The following WWC1 variants were observed in gnomAD, a reference collection of about 807,000 sequenced individuals.
The protein encoded by WWC1 is protein KIBRA.
In WWC1, 55 loss-of-function variants were observed where a neutral mutation model predicts 138.4. That is an observed-to-expected ratio of 0.40 (90% CI 0.32 to 0.50). The LOEUF (loss-of-function observed/expected upper bound fraction) is 0.50, where lower values mean the gene tolerates loss of function less well. Ranked by LOEUF, WWC1 falls within the 20% of genes least tolerant of loss-of-function variation. The pLI is 0.72. For missense variants in WWC1, 1,226 were observed against 1,420.4 expected (o/e 0.86, Z 2.20); for synonymous variants, 524 against 564.9 (o/e 0.93, Z 1.03).
intron 12 of WWC1, among the ~76,000 whole-genome samples, 163 bp downstream of exon 12, chr5:168,428,304 G>A (rs538210318): frequency 2.0e-4 from 30 of 152,340 alleles, no homozygotes; most frequent in Non-Finnish European, 3.8e-4. Flanking sequence ...CCAAGGCACA[G>A]ACAGCATAAC....
intron 1 of WWC1, among the ~76,000 whole-genome samples, chr5:168,355,760 GGA>G (rs1282655371): frequency 6.6e-6 from 1 of 152,118 alleles, no homozygotes; most frequent in Non-Finnish European, 1.5e-5. Context: ...TGACAAGACT[GGA>G]TTAATGTGTT....
chr5:168,336,316 A>G (rs768743739), intron 1 of WWC1, among the ~76,000 whole-genome samples: 13 of 152,172 alleles, frequency 8.5e-5, no homozygotes, highest in Non-Finnish European at 1.9e-4. Flanking sequence ...CACGCCTGTA[A>G]TCCCAGCACC....
rs180685286 is a variant in WWC1, at chr5:168,345,291, G to A, written c.120-26133G>A. On this transcript the variant is annotated intron_variant, in intron 1 of 22. Transcript: ENST00000265293. ...GGCTAATTTTTGTATTTTTAATAGA[G>A]ACAGGGTTTTGCCATATTGGCCAGG... Among the ~76,000 whole-genome samples the A allele has an allele frequency of 1.0e-3, 155 of 152,268 alleles. 1 individual carries two copies. Among genetic ancestry groups the A allele is most frequent in the Non-Finnish European group, 1.6e-3 (110 of 68,028 alleles).
chr5:168,457,032 A>G (rs1236555655), intron 19 of WWC1, among the ~76,000 whole-genome samples: 1 of 151,870 alleles, frequency 6.6e-6, no homozygotes, highest in African/African-American at 2.4e-5. Flanking sequence ...ACCAAGCACT[A>G]TGCTTCCACT....
chr5:168,374,408 T>C (rs539066557), intron 2 of WWC1, among the ~76,000 whole-genome samples: 45 of 151,464 alleles, frequency 3.0e-4, no homozygotes, highest in Non-Finnish European at 5.2e-4. Context: ...GAAGAAGATC[T>C]TGTTGAGACA....
rs756812121 is a variant in WWC1, at chr5:168,430,198, C to G, written c.2062C>G (p.Leu688Val). The G allele has an allele frequency of 9.9e-6, 16 of 1,613,830 alleles. No individual in the cohort carries two copies. In the Admixed American group the frequency reaches 1.2e-4, roughly 12 times the overall value. ...LIIQLSNLSA[L>V]LQQQDQKVNI... ...CATCCAGCTGAGTAACCTTTCTGCT[C>G]TGTTGCAGCAACAAGACCAGAAAGT... Residue 688 changes from leucine (L) to valine (V), a missense_variant, in exon 14 of 23, where the codon CTG becomes GTG. Transcript: ENST00000265293.
At chr5:168,431,059 A>G (rs1329811348) in intron 14 of WWC1, among the ~76,000 whole-genome samples, 193 bp from the exon 15 acceptor site, 1 of 152,232 alleles carries the variant, frequency 6.6e-6, no homozygotes, top group African/African-American at 2.4e-5. Context: ...ACCAAAGGAC[A>G]AATGCATCTG....
intron 18 of WWC1, among the ~76,000 whole-genome samples, chr5:168,454,496 C>G (rs954273): frequency 0.32 from 49,263 of 151,838 alleles, 9,769 homozygotes; most frequent in African/African-American, 0.54. Flanking sequence ...AAATATATTT[C>G]TTTATGTGGG....
At chr5:168,383,190 A>G (rs1201464166) in intron 2 of WWC1, among the ~76,000 whole-genome samples, 4 of 151,944 alleles carry the variant, frequency 2.6e-5, no homozygotes, top group Non-Finnish European at 4.4e-5. Context: ...AACAAAAAAA[A>G]AAAAAGAAAA....
intron 1 of WWC1, among the ~76,000 whole-genome samples, chr5:168,296,590 C>T (rs1232466107): frequency 1.3e-5 from 2 of 152,192 alleles, no homozygotes; most frequent in African/African-American, 2.4e-5. Flanking sequence ...CATGGAAAGG[C>T]CTCCTGTTTA....
At chr5:168,463,850 G>A (rs1757021484) in intron 20 of WWC1, among the ~76,000 whole-genome samples, 1 of 152,136 alleles carries the variant, frequency 6.6e-6, no homozygotes, top group Non-Finnish European at 1.5e-5. Context: ...TGCTCCCTCT[G>A]TACAGCTTAA....
intron 3 of WWC1, among the ~76,000 whole-genome samples, chr5:168,394,644 TA>T (rs1228714963): frequency 2.0e-5 from 3 of 152,146 alleles, no homozygotes; most frequent in African/African-American, 7.2e-5. Context: ...GAGAATCGCT[TA>T]AACCCTGGAG....
chr5:168,349,813 G>A (rs1020745387), intron 1 of WWC1, among the ~76,000 whole-genome samples: 1 of 152,148 alleles, frequency 6.6e-6, no homozygotes, highest in African/African-American at 2.4e-5. Context: ...GGAAGAATTG[G>A]TCTGGAGCAG....
At chr5:168,439,649 C>G (rs561228372) in intron 15 of WWC1, among the ~76,000 whole-genome samples, 23 of 149,122 alleles carry the variant, frequency 1.5e-4, no homozygotes, top group African/African-American at 4.7e-4. Context: ...AAAAAAAAAT[C>G]TTTCGCTATT....
chr5:168,455,943 T>C (rs1227614385), intron 19 of WWC1, among the ~76,000 whole-genome samples: 1 of 152,182 alleles, frequency 6.6e-6, no homozygotes, highest in Non-Finnish European at 1.5e-5. Context: ...TTTTTTTTAA[T>C]TGAACCTGTT....
chr5:168,298,856 G>A (rs1581848315), intron 1 of WWC1, among the ~76,000 whole-genome samples: 1 of 152,112 alleles, frequency 6.6e-6, no homozygotes, highest in East Asian at 1.9e-4. Context: ...GGTCGAGGTG[G>A]GTGGATCACC....
chr5:168,396,240 G>A (rs902877289), intron 3 of WWC1, among the ~76,000 whole-genome samples: 4 of 152,080 alleles, frequency 2.6e-5, no homozygotes, highest in African/African-American at 9.7e-5. Flanking sequence ...AAAATTATCC[G>A]GGCATGGTGG....
At chr5:168,349,762 G>A (rs112522772) in intron 1 of WWC1, among the ~76,000 whole-genome samples, 24 of 152,268 alleles carry the variant, frequency 1.6e-4, no homozygotes, top group African/African-American at 5.1e-4. Context: ...GTTGGCTGCC[G>A]TGGGCCACTG....
In WWC1 at chr5:168,369,001, G is replaced by A. The variant is rs149280624; in HGVS notation, c.120-2423G>A. On this transcript the variant is annotated intron_variant, in intron 1 of 22. Coordinates refer to ENST00000265293, the MANE Select transcript of WWC1 (RefSeq NM_015238.3). ...CTTCTACTCCAAAATGGTAGTTTGT[G>A]TTTTCCCGTGGGGCTTAGGAGATGC... Among the ~76,000 whole-genome samples the A allele has an allele frequency of 5.0e-3, 764 of 152,282 alleles. 2 individuals are homozygous for A. The highest frequency in any genetic ancestry group is 8.4e-3 in the Non-Finnish European group (574 of 68,020).
Sources: gnomAD v4.1 joint callset for allele counts (sites outside exome capture counted in the v4.1 genomes callset) on GRCh38, gnomAD v4.1.1 for gene constraint, MANE v1.5 for transcripts, NCBI Gene and HGNC (gene_info 2026-07-23, HGNC 2026-07-21) for gene names.